The following GAS2L2 variants were observed in gnomAD, a reference collection of about 807,000 sequenced individuals.
The protein encoded by GAS2L2 is growth arrest specific 2 like 2.
A neutral mutation model predicts 35.2 loss-of-function variants in GAS2L2; 21 were observed. That is an observed-to-expected ratio of 0.60 (90% CI 0.42 to 0.86). The LOEUF (loss-of-function observed/expected upper bound fraction) is 0.86, where lower values mean the gene tolerates loss of function less well. GAS2L2 is among the 40% of genes least tolerant of loss of function. GAS2L2 has a pLI of 0.00. For missense variants in GAS2L2, 1,169 were observed against 1,144.4 expected (o/e 1.02, Z -0.31); for synonymous variants, 490 against 473.2 (o/e 1.04, Z -0.46).
intron 5 of GAS2L2, 62 bp from the exon 6 acceptor site, chr17:35,746,473 G>A (rs1314668193): frequency 1.8e-6 from 2 of 1,140,194 alleles, no homozygotes; most frequent in South Asian, 3.4e-5. Flanking sequence ...GTCATCTAGT[G>A]TGGTCCCTGG....
Position 35,747,862 on chromosome 17 carries a change from G to A in GAS2L2, c.819C>T (p.Arg273=). The change falls in exon 4 of 6, where the codon CGC becomes CGT. Residue 273 remains arginine (R), a synonymous_variant. Coordinates refer to ENST00000604641, the MANE Select transcript of GAS2L2 (RefSeq NM_139285.4). ...GHYLDKHDPC[R]CTSLSHKPGS... The stretch of plus-strand genomic sequence containing the variant: ...CAGGGGACTCACAGAGGGATGTGCA[G>A]CGGCAGGGGTCATGTTTGTCCAGGT... The A allele has an allele frequency of 6.2e-6, 10 of 1,613,786 alleles. No individual in the cohort carries two copies. Among genetic ancestry groups the A allele is most frequent in the Non-Finnish European group, 8.5e-6 (10 of 1,179,800 alleles).
In GAS2L2 at chr17:35,747,235, G is replaced by A. The variant is rs781847493; in HGVS notation, c.866C>T (p.Ala289Val). The change falls in exon 5 of 6, where the codon GCC becomes GTC. Residue 289 changes from alanine to valine, a missense_variant. By Grantham distance (64) the Ala-to-Val change is moderately conservative. This residue lies in a region of GAS2L2 where 1,035 missense variants were observed against 976.5 expected (regional missense o/e 1.06). Coordinates refer to ENST00000604641, the MANE Select transcript of GAS2L2 (RefSeq NM_139285.4). ...CCTTACTTCATGCTGCACTGGTGGG[G>A]CCGGGGGCTTCAGGAAGCTGCCTGG... is the stretch of plus-strand genomic sequence containing the variant. ...HKPGSFLKPP[A>V]PPVQHEVRVQ... 3.7e-6 allele frequency: 6 copies of A among 1,612,856 alleles called. No individual in the cohort carries two copies. The South Asian group carries it at 4.4e-5, about 12-fold the overall frequency.
rs782588240 is a variant in GAS2L2, at chr17:35,752,758, C to G, written c.93G>C (p.Leu31=). The G allele has an allele frequency of 6.2e-7, 1 of 1,613,926 alleles. No individual in the cohort carries two copies. Among genetic ancestry groups the G allele is most frequent in the East Asian group, 2.2e-5 (1 of 44,888 alleles). ...IRPFKSSEQY[L]EAMKEDLAEW... ...CAGCCAGGTCTTCCTTCATGGCCTC[C>G]AGGTACTGCTCACTCGACTTGAAAG... Residue 31 remains leucine, a synonymous_variant, in exon 1 of 6, where the codon CTG becomes CTC. Coordinates refer to ENST00000604641, the MANE Select transcript of GAS2L2 (RefSeq NM_139285.4).
rs1337360468 is a variant in GAS2L2, at chr17:35,749,812, G to C, written c.627+265C>G. On this transcript the variant is annotated intron_variant, in intron 2 of 5. Coordinates refer to ENST00000604641, the MANE Select transcript of GAS2L2 (RefSeq NM_139285.4). ...GCCACAGTCGGTGTTCTTGAAAACTGTCCCAGCAGGGGTTAAATGAGAGGG... is the reference window on the plus strand; with the variant it reads ...GCCACAGTCGGTGTTCTTGAAAACTCTCCCAGCAGGGGTTAAATGAGAGGG... 2.0e-5 allele frequency among the ~76,000 whole-genome samples: 3 copies of C among 152,222 alleles called. No individual in the cohort carries two copies. In the East Asian group the frequency reaches 5.8e-4, roughly 29 times the overall value.
chr17:35,749,345 G>A lies in GAS2L2; in HGVS notation c.628-128C>T, dbSNP rs946320897. 11 of 624,006 alleles carry A rather than the reference G, an allele frequency of 1.8e-5. No individual in the cohort carries two copies. In the East Asian group the frequency reaches 3.0e-4, roughly 17 times the overall value. The allele number at this position is 624,006 out of a possible 1,614,324, so 38.7% of individuals were successfully genotyped here. ...AGAGCTGGGGAATGAGAAGCAAGGA[G>A]GGAGTAGATAAGGCTGTAAATGACC... On this transcript the variant is annotated intron_variant, in intron 2 of 5. Coordinates refer to ENST00000604641, the MANE Select transcript of GAS2L2 (RefSeq NM_139285.4).
Position 35,750,117 on chromosome 17 carries a change from G to C in GAS2L2, c.587C>G (p.Pro196Arg). The C allele has an allele frequency of 1.9e-6, 3 of 1,601,918 alleles. No homozygotes were observed. Among genetic ancestry groups the C allele is most frequent in the South Asian group, 2.2e-5 (2 of 90,254 alleles). The change falls in exon 2 of 6, where the codon CCC (proline) becomes CGC (arginine). Residue 196 changes from proline to arginine, a missense_variant. By Grantham distance (103) the Pro-to-Arg change is moderately radical (BLOSUM62 -2). Transcript: ENST00000604641. ...PPPDPSPPAP[P>R]RRQPCHFRNL... ...GCGGAAGTGGCAGGGCTGGCGCCTGGGGGGCGCTGGCGGCGAGGGGTCGGG... is the reference window on the plus strand; with the variant it reads ...GCGGAAGTGGCAGGGCTGGCGCCTGCGGGGCGCTGGCGGCGAGGGGTCGGG...
chr17:35,746,449 A>G (rs781944097), intron 5 of GAS2L2, 38 bp from the exon 6 acceptor site: 6 of 1,287,514 alleles, frequency 4.7e-6, no homozygotes, highest in East Asian at 5.4e-5. Flanking sequence ...AGGGAGACTC[A>G]TCAGGCCGGC....
chr17:35,749,974 G>C, intron 2 of GAS2L2, 103 bp downstream of exon 2: 2 of 1,071,406 alleles, frequency 1.9e-6, no homozygotes, highest in Non-Finnish European at 2.7e-6. Flanking sequence ...GGACAATGGA[G>C]CTCAAGAAGG....
chr17:35,750,198 A>G lies in GAS2L2; in HGVS notation c.506T>C (p.Val169Ala). Residue 169 changes from valine to alanine, a missense_variant, in exon 2 of 6, where the codon GTG (valine) becomes GCG (alanine). Transcript: ENST00000604641. ...WRFGVAAPTL[V>A]QLEEEIEEEV... ...CTCCTCGATCTCCTCCTCCAGCTGCACGAGTGTGGGCGCCGCAACACCAAA... is the reference window on the plus strand; with the variant it reads ...CTCCTCGATCTCCTCCTCCAGCTGCGCGAGTGTGGGCGCCGCAACACCAAA... The G allele has an allele frequency of 6.2e-7, 1 of 1,613,418 alleles. No homozygotes were observed. Among genetic ancestry groups the G allele is most frequent in the Non-Finnish European group, 8.5e-7 (1 of 1,179,706 alleles).
Position 35,750,125 on chromosome 17 carries a change from T to C in GAS2L2, c.579A>G (p.Pro193=), listed in dbSNP as rs1598396120. 6.3e-7 allele frequency: 1 copy of C among 1,580,222 alleles called. No individual in the cohort carries two copies. The highest frequency in any genetic ancestry group is 1.4e-5 in the African/African-American group (1 of 69,444). Residue 193 remains proline, a synonymous_variant, in exon 2 of 6, where the codon CCA becomes CCG. Coordinates refer to ENST00000604641, the MANE Select transcript of GAS2L2 (RefSeq NM_139285.4). The stretch of plus-strand genomic sequence containing the variant: ...GGCAGGGCTGGCGCCTGGGGGGCGC[T>C]GGCGGCGAGGGGTCGGGCGGGGGCA... The part of the protein sequence containing the change: ...LALPPPDPSP[P]APPRRQPCHF...
At chr17:35,752,040 G>A (rs1204917578) in intron 1 of GAS2L2, among the ~76,000 whole-genome samples, 3 of 151,646 alleles carry the variant, frequency 2.0e-5, no homozygotes, top group South Asian at 2.1e-4. Context: ...ATGTTAGGCC[G>A]GGCTGGTCTT....
In GAS2L2 at chr17:35,746,204, G is replaced by C. The variant is rs142059348; in HGVS notation, c.1293C>G (p.Asp431Glu). The C allele has an allele frequency of 6.7e-7, 1 of 1,481,664 alleles. No homozygotes were observed. Among genetic ancestry groups the C allele is most frequent in the South Asian group, 1.6e-5 (1 of 64,068 alleles). 91.8% of individuals were successfully genotyped at this position (1,481,664 alleles called of 1,614,324 possible). ...GTCTTTGTGGGGTGGGGTTCCCGGC[G>C]TCGGTTCCCCAGCTGTCTGTTTCTT... ...VHEETDSWGTDAGNPTPQRLR... is the reference protein window; with the variant it reads ...VHEETDSWGTEAGNPTPQRLR... The change falls in exon 6 of 6, where the codon GAC becomes GAG. Residue 431 changes from aspartate to glutamate, a missense_variant. By Grantham distance (45) the Asp-to-Glu change is conservative. Coordinates refer to ENST00000604641, the MANE Select transcript of GAS2L2 (RefSeq NM_139285.4).
In GAS2L2 at chr17:35,752,700, C is replaced by A. The variant is rs141214936; in HGVS notation, c.151G>T (p.Asp51Tyr). The change falls in exon 1 of 6, where the codon GAC (aspartate) becomes TAC (tyrosine). Residue 51 changes from aspartate (D) to tyrosine (Y), a missense_variant. Physicochemically the swap from Asp to Tyr is radical, Grantham distance 160. Coordinates refer to ENST00000604641, the MANE Select transcript of GAS2L2 (RefSeq NM_139285.4). ...WLRDLYGLDI[D>Y]AANFLQVLET... Reference sequence around the variant, plus strand: ...AGCACCTGCAGGAAGTTGGCTGCGTCGATGTCCAGCCCATAGAGGTCGCGA... The same window carrying A: ...AGCACCTGCAGGAAGTTGGCTGCGTAGATGTCCAGCCCATAGAGGTCGCGA... 6.2e-7 allele frequency: 1 copy of A among 1,613,924 alleles called. No homozygotes were observed. Among genetic ancestry groups the A allele is most frequent in the Non-Finnish European group, 8.5e-7 (1 of 1,180,046 alleles).
At position 35,747,145 on chromosome 17, in the gene GAS2L2, G is replaced by A. The variant is rs782335153; in HGVS notation, c.956C>T (p.Pro319Leu). ...MTISRSQSPP[P>L]PVDWKTYTSS... ...GGTATATGTCTTCCAGTCCACAGGG[G>A]GTGGTGGGCTCTGTGAGCGGCTGAT... The change falls in exon 5 of 6, where the codon CCC becomes CTC. Residue 319 changes from proline (P) to leucine (L), a missense_variant. Pro to Leu is a moderately conservative substitution (Grantham distance 98). Transcript: ENST00000604641. 1 of 1,613,872 alleles carries A rather than the reference G, an allele frequency of 6.2e-7. No individual in the cohort carries two copies. The highest frequency in any genetic ancestry group is 1.3e-5 in the African/African-American group (1 of 74,930).
At position 35,746,406 on chromosome 17, in the gene GAS2L2, T is replaced by A; in HGVS notation, c.1091A>T (p.Gln364Leu). The A allele has an allele frequency of 7.5e-7, 1 of 1,336,600 alleles. No individual in the cohort carries two copies. The highest frequency in any genetic ancestry group is 1.5e-5 in the African/African-American group (1 of 67,276). 82.8% of individuals were successfully genotyped at this position (1,336,600 alleles called of 1,614,324 possible). A position where few individuals can be genotyped will look rare whatever the true frequency, so the allele number is the denominator to read the frequency against. ...CCAAGATGGGATGAGAGACCTCTCC[T>A]GGCACCTGAAAGGGAGAATCACAAG... is the stretch of plus-strand genomic sequence containing the variant. Reference protein sequence around the residue: ...SREMAPFLRCQERSLIPSWRQ... With the variant: ...SREMAPFLRCLERSLIPSWRQ... The change falls in exon 6 of 6, where the codon CAG becomes CTG. Residue 364 changes from glutamine to leucine, a missense_variant. This residue lies in a region of GAS2L2 where 1,035 missense variants were observed against 976.5 expected (regional missense o/e 1.06). Transcript: ENST00000604641.
chr17:35,746,456 C>T (rs377124082), intron 5 of GAS2L2, 45 bp from the exon 6 acceptor site: 42 of 1,256,120 alleles, frequency 3.3e-5, no homozygotes, highest in African/African-American at 2.6e-4. Context: ...CTCATCAGGC[C>T]GGCAGGGTCA....
chr17:35,748,074 G>T (rs2085681202), intron 3 of GAS2L2, 129 bp from the exon 4 acceptor site: 1 of 609,452 alleles, frequency 1.6e-6, no homozygotes, highest in Non-Finnish European at 2.9e-6. Context: ...AGATGTATGT[G>T]TGTGCTGTAA....
intron 4 of GAS2L2, among the ~76,000 whole-genome samples, chr17:35,747,482 C>T (rs1010729110): frequency 6.6e-5 from 10 of 152,144 alleles, no homozygotes; most frequent in African/African-American, 2.4e-4. Flanking sequence ...GGGTACACAA[C>T]TTTCCCTTAG....
rs965280119 is a variant in GAS2L2, at chr17:35,745,726, G to A, written c.1771C>T (p.Pro591Ser). 2.5e-6 allele frequency: 4 copies of A among 1,613,884 alleles called. No homozygotes were observed. Among genetic ancestry groups the A allele is most frequent in the Non-Finnish European group, 3.4e-6 (4 of 1,180,048 alleles). The change falls in exon 6 of 6, where the codon CCC becomes TCC. Residue 591 changes from proline to serine, a missense_variant. Around this residue, in one of 3 missense-constraint regions of GAS2L2, gnomAD observed 1,035 missense variants for 976.5 expected, o/e 1.06. Transcript: ENST00000604641. ...GCTTGCTCCTTGTTCCCGCCCAAGG[G>A]CAGAGGTGTGTACCGCCCCTCCTGC... ...QEQEGRYTPL[P>S]LGGNKEQAIY...
Sources: gnomAD v4.1 joint callset for allele counts (sites outside exome capture counted in the v4.1 genomes callset) on GRCh38, gnomAD v4.1.1 for gene constraint, gnomAD v4.1.1 regional missense constraint, MANE v1.5 for transcripts, NCBI Gene and HGNC (gene_info 2026-07-23, HGNC 2026-07-21) for gene names.